The following MAGI1 variants were observed in gnomAD, a reference collection of about 807,000 sequenced individuals.
MAGI1 encodes the protein membrane-associated guanylate kinase, WW and PDZ domain-containing protein 1.
In MAGI1, 58 loss-of-function variants were observed where a neutral mutation model predicts 139.9. The ratio of observed to expected loss-of-function variants is 0.41; its 90% CI spans 0.34 to 0.52. MAGI1 has a LOEUF of 0.52. Ranked by LOEUF, MAGI1 falls within the 20% of genes least tolerant of loss-of-function variation. The probability of loss-of-function intolerance (pLI) is 0.12; values close to 1 mark genes in which losing one functional copy is unlikely to be tolerated. For missense variants in MAGI1, 1,874 were observed against 1,901.6 expected, an observed-to-expected ratio of 0.99 and a Z score of 0.27; for synonymous variants, 812 against 737.9, an observed-to-expected ratio of 1.10 and a Z score of -1.63.
intron 1 of MAGI1, among the ~76,000 whole-genome samples, chr3:66,032,597 A>G (rs1220676960): frequency 6.6e-6 from 1 of 151,738 alleles, no homozygotes; most frequent in African/African-American, 2.4e-5. Context: ...TGGAACTTCT[A>G]TTCTCATGGG....
chr3:65,403,837 A>G (rs530451546), intron 12 of MAGI1, among the ~76,000 whole-genome samples: 2 of 152,360 alleles, frequency 1.3e-5, no homozygotes, highest in South Asian at 4.1e-4. Flanking sequence ...AGGTGCATTC[A>G]CAACGATGTT....
intron 2 of MAGI1, among the ~76,000 whole-genome samples, chr3:65,529,322 C>A (rs918889039): frequency 6.6e-6 from 1 of 152,102 alleles, no homozygotes; most frequent in Non-Finnish European, 1.5e-5. Flanking sequence ...TGGAACATTT[C>A]ATCACCACAA....
At chr3:65,603,347 T>C (rs527927587) in intron 2 of MAGI1, among the ~76,000 whole-genome samples, 18 of 152,288 alleles carry the variant, frequency 1.2e-4, no homozygotes, top group Admixed American at 9.2e-4. Flanking sequence ...AAAAAATATA[T>C]ATAGCACAGT....
chr3:65,357,044 T>G lies in MAGI1; in HGVS notation c.3723A>C (p.Ser1241=). 3 of 1,613,952 alleles carry G rather than the reference T, an allele frequency of 1.9e-6. No homozygotes were observed. Among genetic ancestry groups the G allele is most frequent in the Non-Finnish European group, 2.5e-6 (3 of 1,179,966 alleles). The change falls in exon 23 of 23, where the codon TCA becomes TCC. Residue 1241 remains serine (S), a synonymous_variant. Transcript: ENST00000402939. ...GATCGGGTGGGTAACTGGACTCCAA[T>G]GACGGATGCTGCCGGCGGTCGGGCC... is the stretch of plus-strand genomic sequence containing the variant. ...RAGPDRRQHP[S]LESSYPPDLH... is the part of the protein sequence containing the mutation.
intron 12 of MAGI1, among the ~76,000 whole-genome samples, chr3:65,420,471 C>T (rs1946559659): frequency 6.6e-6 from 1 of 151,972 alleles, no homozygotes; most frequent in Non-Finnish European, 1.5e-5. Context: ...TGATTTTGTT[C>T]ATTTGTTTAT....
At chr3:65,689,447 C>T (rs1053336200) in intron 1 of MAGI1, among the ~76,000 whole-genome samples, 1 of 152,158 alleles carries the variant, frequency 6.6e-6, no homozygotes, top group African/African-American at 2.4e-5. Flanking sequence ...GTCCTTTGCT[C>T]CCTATTTCAG....
At chr3:65,720,047 G>A (rs2032817628) in intron 1 of MAGI1, 1 of 152,164 alleles carries the variant, frequency 6.6e-6, no homozygotes, top group African/African-American at 2.4e-5. Flanking sequence ...GTTTTAAATG[G>A]AGTCTTTGGG....
At chr3:65,829,083 C>A (rs548156169) in intron 1 of MAGI1, among the ~76,000 whole-genome samples, 9 of 152,330 alleles carry the variant, frequency 5.9e-5, no homozygotes, top group East Asian at 3.9e-4. Context: ...ACAGCCCTTT[C>A]AACACCTTGA....
intron 1 of MAGI1, among the ~76,000 whole-genome samples, chr3:65,911,358 CG>C (rs1214156840): frequency 6.6e-6 from 1 of 151,910 alleles, no homozygotes; most frequent in Non-Finnish European, 1.5e-5. Flanking sequence ...GCTCATCCTC[CG>C]GGGGACGCTC....
At chr3:65,989,242 T>A (rs114521710) in intron 1 of MAGI1, among the ~76,000 whole-genome samples, 1 of 152,130 alleles carries the variant, frequency 6.6e-6, no homozygotes, top group East Asian at 1.9e-4. Context: ...TTCAAACAGG[T>A]AGAGAGTGAA....
At position 65,880,326 on chromosome 3, in the gene MAGI1, C is replaced by T. The variant is rs145920288; in HGVS notation, c.313+157670G>A. ...AATGATAACAGTAGTAACAGTAGTG[C>T]TGGCAGTGATGGCTGCTGTCATCAT... is the stretch of plus-strand genomic sequence containing the variant. On this transcript the variant is annotated intron_variant, in intron 1 of 22. Coordinates refer to ENST00000402939, the MANE Select transcript of MAGI1 (RefSeq NM_001033057.2). Among the ~76,000 whole-genome samples the T allele has an allele frequency of 5.4e-3, 827 of 152,230 alleles. 4 individuals are homozygous for T. Among genetic ancestry groups the T allele is most frequent in the Admixed American group, 7.1e-3 (109 of 15,284 alleles).
intron 2 of MAGI1, among the ~76,000 whole-genome samples, chr3:65,603,948 C>G (rs2082607568): frequency 6.6e-6 from 1 of 152,188 alleles, no homozygotes; most frequent in Non-Finnish European, 1.5e-5. Context: ...GAAGGTTCCA[C>G]CCTCATGACT....
At chr3:65,373,948 T>C (rs925825507) in intron 18 of MAGI1, among the ~76,000 whole-genome samples, 1 of 152,216 alleles carries the variant, frequency 6.6e-6, no homozygotes, top group Non-Finnish European at 1.5e-5. Context: ...ATTTACCTTT[T>C]CCGTAAGGCA....
At chr3:65,996,759 C>G (rs182040917) in intron 1 of MAGI1, among the ~76,000 whole-genome samples, 1 of 152,220 alleles carries the variant, frequency 6.6e-6, no homozygotes, top group Non-Finnish European at 1.5e-5. Context: ...CTGGGACCAT[C>G]GGAGGGCCGG....
At chr3:65,592,705 T>C (rs1001481756) in intron 2 of MAGI1, among the ~76,000 whole-genome samples, 4 of 151,824 alleles carry the variant, frequency 2.6e-5, no homozygotes, top group Admixed American at 6.6e-5. Context: ...TTTTGGAGAG[T>C]TGGACTTCAG....
chr3:65,766,356 T>C (rs1057380482), intron 1 of MAGI1, among the ~76,000 whole-genome samples: 7 of 152,148 alleles, frequency 4.6e-5, no homozygotes, highest in Non-Finnish European at 7.3e-5. Flanking sequence ...ATTGTGATTC[T>C]TTCCGGGTAC....
At chr3:65,929,663 A>G (rs991074660) in intron 1 of MAGI1, among the ~76,000 whole-genome samples, 3 of 152,064 alleles carry the variant, frequency 2.0e-5, no homozygotes, top group African/African-American at 4.8e-5. Flanking sequence ...GAATTCAACA[A>G]TGCAATCCAC....
At chr3:65,990,732 G>A (rs2066127888) in intron 1 of MAGI1, among the ~76,000 whole-genome samples, 1 of 152,112 alleles carries the variant, frequency 6.6e-6, no homozygotes, top group Non-Finnish European at 1.5e-5. Context: ...AAGAACTTAG[G>A]TGGTATATAT....
intron 2 of MAGI1, among the ~76,000 whole-genome samples, chr3:65,557,662 G>A (rs775510627): frequency 9.2e-5 from 14 of 152,094 alleles, no homozygotes; most frequent in Non-Finnish European, 1.9e-4. Flanking sequence ...TGGTAATTAC[G>A]TATTTGTTTA....
Sources: allele counts gnomAD v4.1 joint callset (sites outside exome capture counted in the v4.1 genomes callset), GRCh38; gene constraint gnomAD v4.1.1; transcripts MANE v1.5; gene names NCBI Gene and HGNC (gene_info 2026-07-23, HGNC 2026-07-21).